ARHGEF38: variants seen among roughly 807,000 people sequenced by gnomAD.
The protein encoded by ARHGEF38 is Rho guanine nucleotide exchange factor (GEF) 38.
ARHGEF38 carries 79 observed loss-of-function variants against 79.9 expected under a neutral mutation model. The ratio of observed to expected loss-of-function variants is 0.99; its 90% CI spans 0.82 to 1.19. ARHGEF38 has a LOEUF of 1.19. ARHGEF38 is among the 50% of genes most tolerant of loss of function. ARHGEF38 has a pLI of 0.00. For synonymous variants in ARHGEF38, 366 were observed against 328.3 expected (o/e 1.11, Z -1.24); for missense variants, 962 against 907.2 (o/e 1.06, Z -0.78).
intron 3 of ARHGEF38, among the ~76,000 whole-genome samples, chr4:105,622,673 C>T (rs1352471862): frequency 6.6e-6 from 1 of 152,204 alleles, no homozygotes; most frequent in South Asian, 2.1e-4. Context: ...CTCCTTCAAC[C>T]TCTTCCCTTC....
At chr4:105,671,005 T>C (rs1055195719) in intron 13 of ARHGEF38, among the ~76,000 whole-genome samples, 1 of 152,150 alleles carries the variant, frequency 6.6e-6, no homozygotes, top group Non-Finnish European at 1.5e-5. Context: ...TATCAATATA[T>C]ATAATGTGAA....
At position 105,580,820 on chromosome 4, in the gene ARHGEF38, C is replaced by A. The variant is rs188543441; in HGVS notation, c.197-8428C>A. Among the ~76,000 whole-genome samples the A allele has an allele frequency of 9.4e-3, 1,429 of 152,162 alleles. 8 individuals are homozygous for A. The highest frequency in any genetic ancestry group is 0.014 in the Middle Eastern group (4 of 294). On this transcript the variant is annotated intron_variant, in intron 1 of 13. Transcript: ENST00000420470. ...CTCCACCTTCCTGGTTCAAGCAATT[C>A]TCCACCACTAAGCCCGGCTAGTTTT... is the stretch of plus-strand genomic sequence containing the variant.
At position 105,645,289 on chromosome 4, in the gene ARHGEF38, C is replaced by T. The variant is rs1729791383; in HGVS notation, c.776C>T (p.Pro259Leu). The T allele has an allele frequency of 6.5e-7, 1 of 1,536,476 alleles. No homozygotes were observed. The highest frequency in any genetic ancestry group is 2.0e-5 in the Admixed American group (1 of 50,964). Residue 259 changes from proline (P) to leucine (L), a missense_variant, in exon 6 of 14, where the codon CCT becomes CTT. Pro to Leu is a moderately conservative substitution (Grantham distance 98). Coordinates refer to ENST00000420470, the MANE Select transcript of ARHGEF38 (RefSeq NM_001242729.2). ...CTGTGCGAACTTCGGAATTCCACCC[C>T]TCCCTCTCACCCAGATTACAGAGCA... The part of the protein sequence containing the change: ...LLLCELRNST[P>L]PSHPDYRALD...
rs7440807 is a variant in ARHGEF38, at chr4:105,601,611, C to T, written c.385-11773C>T. Among the ~76,000 whole-genome samples the T allele has an allele frequency of 1.5e-3, 230 of 152,172 alleles. 6 individuals carry two copies. In the East Asian group the frequency reaches 0.04, roughly 27 times the overall value. On this transcript the variant is annotated intron_variant, in intron 2 of 13. Coordinates refer to ENST00000420470, the MANE Select transcript of ARHGEF38 (RefSeq NM_001242729.2). ...TTGTCCTATGGGAGGAGTATTTACC[C>T]TCCTCAATTCCTGTTAGACATTGGC...
chr4:105,672,123 C>CA (rs1259208181), intron 13 of ARHGEF38, among the ~76,000 whole-genome samples: 1 of 152,046 alleles, frequency 6.6e-6, no homozygotes, highest in African/African-American at 2.4e-5. Flanking sequence ...TTAACCTGGA[C>CA]GCGAAGACCT....
chr4:105,587,609 C>T (rs1236357173), intron 1 of ARHGEF38, among the ~76,000 whole-genome samples: 2 of 152,044 alleles, frequency 1.3e-5, no homozygotes, highest in Middle Eastern at 3.2e-3. Context: ...TACAGGAGTC[C>T]GCCACCACGC....
chr4:105,660,510 G>A (rs1035121096), intron 10 of ARHGEF38, among the ~76,000 whole-genome samples: 4 of 151,596 alleles, frequency 2.6e-5, no homozygotes, highest in African/African-American at 9.7e-5. Context: ...CCCAATCTCG[G>A]CTCACTGCAA....
intron 13 of ARHGEF38, among the ~76,000 whole-genome samples, chr4:105,672,909 A>G (rs1731002982): frequency 6.6e-6 from 1 of 152,200 alleles, no homozygotes. Context: ...GGCTGTCTCT[A>G]TAGGCAGTTT....
chr4:105,678,200 G>C lies in ARHGEF38; in HGVS notation c.*263G>C, dbSNP rs1426921468. On this transcript the variant is annotated 3_prime_UTR_variant, in exon 14 of 14. Coordinates refer to ENST00000420470, the MANE Select transcript of ARHGEF38 (RefSeq NM_001242729.2). ...CTTCAACTATCAACTATTTAAAAGT[G>C]AAGATCTTTTGAAGGAGTAATTATA... The C allele has an allele frequency of 3.3e-6, 1 of 301,768 alleles. No individual in the cohort carries two copies. Among genetic ancestry groups the C allele is most frequent in the Non-Finnish European group, 6.0e-6 (1 of 166,118 alleles). The allele number at this position is 301,768 out of a possible 1,614,324, so 18.7% of individuals were successfully genotyped here. A position where few individuals can be genotyped will look rare whatever the true frequency, so the allele number is the denominator to read the frequency against.
chr4:105,614,565 T>C (rs1003085020), intron 3 of ARHGEF38, among the ~76,000 whole-genome samples: 4 of 152,308 alleles, frequency 2.6e-5, no homozygotes, highest in Middle Eastern at 3.4e-3. Context: ...ATCAAAGACA[T>C]GAAATATAGT....
Position 105,630,881 on chromosome 4 carries a change from T to C in ARHGEF38, c.509-17T>C. 6.3e-7 allele frequency: 1 copy of C among 1,586,968 alleles called. No individual in the cohort carries two copies. On this transcript the variant is annotated splice_polypyrimidine_tract_variant and intron_variant, in intron 3 of 13. Transcript: ENST00000420470. ...TTGTCTGATGATGTCATTTTGCCTT[T>C]GTTTTGCATTTATCAGGAGAAGTAT...
In ARHGEF38 at chr4:105,659,072, C is replaced by T; in HGVS notation, c.1252C>T (p.Leu418Phe). 6.5e-7 allele frequency: 1 copy of T among 1,535,358 alleles called. No individual in the cohort carries two copies. Among genetic ancestry groups the T allele is most frequent in the African/African-American group, 1.4e-5 (1 of 73,080 alleles). ...CHDFASHLQR[L>F]ILTPLSALLS... Reference sequence around the variant, plus strand: ...TTGGCAGGCATCTCACTTACAGAGACTCATCCTGACCCCCTTGTCAGCCCT... The same window carrying T: ...TTGGCAGGCATCTCACTTACAGAGATTCATCCTGACCCCCTTGTCAGCCCT... Residue 418 changes from leucine (L) to phenylalanine (F), a missense_variant, in exon 10 of 14, where the codon CTC becomes TTC. By Grantham distance (22) the Leu-to-Phe change is conservative. Transcript: ENST00000420470.
chr4:105,602,833 G>C (rs572645320), intron 2 of ARHGEF38, among the ~76,000 whole-genome samples: 1 of 152,260 alleles, frequency 6.6e-6, no homozygotes, highest in East Asian at 1.9e-4. Context: ...AAAAAAAAGA[G>C]ACAAGTGAGA....
intron 1 of ARHGEF38, among the ~76,000 whole-genome samples, chr4:105,553,609 G>A (rs1725108502): frequency 6.6e-6 from 1 of 152,112 alleles, no homozygotes. Context: ...ATTTTGTGAT[G>A]GTACAAAGAT....
chr4:105,634,486 T>A (rs1465289140), intron 4 of ARHGEF38, among the ~76,000 whole-genome samples: 1 of 152,172 alleles, frequency 6.6e-6, no homozygotes, highest in Non-Finnish European at 1.5e-5. Flanking sequence ...ATGGAAGTTA[T>A]TTGCTAAAGA....
At chr4:105,610,631 T>C (rs1405782593) in intron 2 of ARHGEF38, among the ~76,000 whole-genome samples, 3 of 152,082 alleles carry the variant, frequency 2.0e-5, no homozygotes, top group Non-Finnish European at 2.9e-5. Context: ...ATAGCAATGA[T>C]TGGATATGAA....
At chr4:105,666,708 G>A (rs565308710) in intron 11 of ARHGEF38, among the ~76,000 whole-genome samples, 5 of 152,090 alleles carry the variant, frequency 3.3e-5, no homozygotes, top group African/African-American at 9.7e-5. Flanking sequence ...CCCGAGCTGA[G>A]GGGGGGAGTA....
intron 1 of ARHGEF38, among the ~76,000 whole-genome samples, chr4:105,578,398 C>G (rs540754022): frequency 1.6e-4 from 24 of 152,212 alleles, no homozygotes; most frequent in South Asian, 1.5e-3. Context: ...GTATATTCTG[C>G]AGTTCTTGAG....
chr4:105,675,878 G>A (rs890175904), intron 13 of ARHGEF38, among the ~76,000 whole-genome samples: 3 of 152,128 alleles, frequency 2.0e-5, no homozygotes, highest in Non-Finnish European at 4.4e-5. Context: ...ATCCCATTCA[G>A]GAAGTTGAAG....
Sources: gnomAD v4.1 joint callset for allele counts (sites outside exome capture counted in the v4.1 genomes callset) on GRCh38, gnomAD v4.1.1 for gene constraint, MANE v1.5 for transcripts, NCBI Gene and HGNC (gene_info 2026-07-23, HGNC 2026-07-21) for gene names.